VAV3: variants seen among roughly 807,000 people sequenced by gnomAD.
The protein encoded by VAV3 is vav guanine nucleotide exchange factor 3.
VAV3 carries 94 observed loss-of-function variants against 131.2 expected under a neutral mutation model. That is an observed-to-expected ratio of 0.72 (90% confidence interval 0.61 to 0.85). VAV3 has a LOEUF of 0.85. Ranked by LOEUF, VAV3 falls within the 40% of genes least tolerant of loss-of-function variation. VAV3 has a pLI of 0.00. For synonymous variants in VAV3, 349 were observed against 342.0 expected (o/e 1.02, Z -0.22); for missense variants, 939 against 1,002.7 (o/e 0.94, Z 0.86).
At chr1:107,738,170 G>A (rs777428481) in intron 15 of VAV3, among the ~76,000 whole-genome samples, 45 of 152,092 alleles carry the variant, frequency 3.0e-4, no homozygotes, top group Admixed American at 2.6e-3. Flanking sequence ...ACACTTGGAC[G>A]AAGGGTGGGG....
At chr1:107,839,138 G>T (rs1418136858) in intron 2 of VAV3, among the ~76,000 whole-genome samples, 1 of 152,132 alleles carries the variant, frequency 6.6e-6, no homozygotes, top group South Asian at 2.1e-4. Context: ...GAATACTGTA[G>T]TAGTCAAATG....
intron 25 of VAV3, among the ~76,000 whole-genome samples, chr1:107,595,838 T>C (rs1211495909): frequency 1.3e-5 from 2 of 152,174 alleles, no homozygotes; most frequent in African/African-American, 4.8e-5. Flanking sequence ...ACTGGAGAGC[T>C]GTGTACCAGC....
intron 12 of VAV3, among the ~76,000 whole-genome samples, chr1:107,754,820 C>A (rs750041624): frequency 3.7e-4 from 56 of 152,222 alleles, no homozygotes; most frequent in Non-Finnish European, 6.6e-4. Context: ...GGGTCACTTT[C>A]CCCTAGATCT....
At chr1:107,686,929 A>G (rs1659071576) in intron 18 of VAV3, among the ~76,000 whole-genome samples, 1 of 152,126 alleles carries the variant, frequency 6.6e-6, no homozygotes, top group African/African-American at 2.4e-5. Context: ...AAAAAATAAT[A>G]TATATATCTA....
intron 1 of VAV3, among the ~76,000 whole-genome samples, chr1:107,932,898 T>C (rs904557713): frequency 2.0e-5 from 3 of 152,220 alleles, no homozygotes; most frequent in Non-Finnish European, 4.4e-5. Context: ...TCTGCCAACA[T>C]CTTGACTTTA....
At chr1:107,794,769 G>A (rs968776454) in intron 2 of VAV3, among the ~76,000 whole-genome samples, 2 of 152,188 alleles carry the variant, frequency 1.3e-5, no homozygotes, top group Non-Finnish European at 2.9e-5. Flanking sequence ...CTGACTGTAT[G>A]TGGTTAATCC....
intron 1 of VAV3, among the ~76,000 whole-genome samples, chr1:107,877,627 A>T (rs1670566804): frequency 1.3e-5 from 2 of 152,184 alleles, no homozygotes; most frequent in African/African-American, 4.8e-5. Flanking sequence ...AAATTCCACA[A>T]ATATTTACTG....
chr1:107,850,670 T>C (rs1669176634), intron 2 of VAV3, among the ~76,000 whole-genome samples: 1 of 152,000 alleles, frequency 6.6e-6, no homozygotes, highest in African/African-American at 2.4e-5. Flanking sequence ...TGTATACCTA[T>C]GTAACAAACC....
chr1:107,655,584 C>G (rs1230785420), intron 19 of VAV3, among the ~76,000 whole-genome samples: 1 of 151,930 alleles, frequency 6.6e-6, no homozygotes, highest in Non-Finnish European at 1.5e-5. Flanking sequence ...TGTGTAAGAC[C>G]TCAAAAGCAA....
At chr1:107,956,519 G>A (rs1167918104) in intron 1 of VAV3, among the ~76,000 whole-genome samples, 1 of 152,078 alleles carries the variant, frequency 6.6e-6, no homozygotes, top group Non-Finnish European at 1.5e-5. Flanking sequence ...AACGGTATAG[G>A]CACTATCACA....
chr1:107,883,264 G>A (rs139493342), intron 1 of VAV3, among the ~76,000 whole-genome samples: 27 of 152,138 alleles, frequency 1.8e-4, no homozygotes, highest in Non-Finnish European at 3.1e-4. Flanking sequence ...TGCAGCACCC[G>A]GCTCACATCT....
At chr1:107,752,163 GTA>G (rs1273926476) in intron 12 of VAV3, among the ~76,000 whole-genome samples, 1 of 152,148 alleles carries the variant, frequency 6.6e-6, no homozygotes, top group Non-Finnish European at 1.5e-5. Context: ...CAACAGAATA[GTA>G]GAGAGCCCAG....
At chr1:107,688,544 C>T (rs2101768832) in intron 17 of VAV3, 138 bp from the exon 18 acceptor site, 2 of 1,529,772 alleles carry the variant, frequency 1.3e-6, no homozygotes, top group East Asian at 2.5e-5. Flanking sequence ...TCCACGGTCC[C>T]TCAGGCTGGG....
chr1:107,833,799 G>T (rs532628104), intron 2 of VAV3, among the ~76,000 whole-genome samples: 80 of 152,162 alleles, frequency 5.3e-4, no homozygotes, highest in Non-Finnish European at 1.1e-3. Flanking sequence ...TGGATGACAA[G>T]GGTGGCTTCA....
chr1:107,779,623 G>A, intron 2 of VAV3, 131 bp from the exon 3 acceptor site: 1 of 496,556 alleles, frequency 2.0e-6, no homozygotes, highest in Non-Finnish European at 3.4e-6. Context: ...AAGATGTGCA[G>A]AATGAGAAGG....
chr1:107,927,943 G>A (rs1673243158), intron 1 of VAV3, among the ~76,000 whole-genome samples: 1 of 152,062 alleles, frequency 6.6e-6, no homozygotes, highest in Non-Finnish European at 1.5e-5. Context: ...CAGTAGCCAG[G>A]GAGTGGTTAC....
chr1:107,923,159 G>A (rs1455490803), intron 1 of VAV3, among the ~76,000 whole-genome samples: 4 of 151,934 alleles, frequency 2.6e-5, no homozygotes, highest in Admixed American at 2.0e-4. Flanking sequence ...GTCATTATAA[G>A]TTAAATTGCC....
intron 1 of VAV3, among the ~76,000 whole-genome samples, chr1:107,881,555 C>G (rs1400118686): frequency 1.3e-5 from 2 of 152,178 alleles, no homozygotes; most frequent in Non-Finnish European, 2.9e-5. Context: ...GTGATGTATT[C>G]TAACAACAAA....
At chr1:107,694,893 A>G (rs957699299) in intron 17 of VAV3, among the ~76,000 whole-genome samples, 3 of 152,198 alleles carry the variant, frequency 2.0e-5, no homozygotes, top group Non-Finnish European at 2.9e-5. Flanking sequence ...ATTATAATAA[A>G]TGTGATAAAA....
Sources: allele counts gnomAD v4.1 joint callset (sites outside exome capture counted in the v4.1 genomes callset), GRCh38; gene constraint gnomAD v4.1.1; transcripts MANE v1.5; gene names NCBI Gene and HGNC (gene_info 2026-07-23, HGNC 2026-07-21).